The following SESN1 variants were observed in gnomAD, a reference collection of about 807,000 sequenced individuals.
SESN1 encodes sestrin 1.
A neutral mutation model predicts 59.3 loss-of-function variants in SESN1; 30 were observed. The observed-to-expected ratio is 0.51, with a 90% CI of 0.38 to 0.69. SESN1 has a LOEUF of 0.69. Among genes scored for constraint, SESN1 ranks in the 30% least tolerant of loss-of-function variants. The probability of loss-of-function intolerance (pLI) is 0.00; values close to 1 mark genes in which losing one functional copy is unlikely to be tolerated. For missense variants in SESN1, 566 were observed against 673.0 expected (o/e 0.84, Z 1.76); for synonymous variants, 197 against 219.9 (o/e 0.90, Z 0.92).
At chr6:109,046,934 C>T (rs1278586648) in intron 1 of SESN1, among the ~76,000 whole-genome samples, 1 of 120,660 alleles carries the variant, frequency 8.3e-6, no homozygotes, top group African/African-American at 3.0e-5. Flanking sequence ...CGGCAGCCAC[C>T]CCATCTGGGA....
rs138029398 is a variant in SESN1 at position 108,992,259 on chromosome 6, T to C, written c.1233+528A>G. On this transcript the variant is annotated intron_variant, in intron 7 of 9. Transcript: ENST00000436639. ...GACCACAGGTACATGCCACCACACC[T>C]GGCTAATTTTATTTTATTTTTTATT... Among the ~76,000 whole-genome samples, 739 of 152,198 alleles carry C rather than the reference T, an allele frequency of 4.9e-3. 3 individuals are homozygous for C. Among genetic ancestry groups the C allele is most frequent in the Middle Eastern group, 0.014 (4 of 292 alleles).
At chr6:109,074,299 T>C (rs1015350427) in intron 1 of SESN1, among the ~76,000 whole-genome samples, 1 of 144,374 alleles carries the variant, frequency 6.9e-6, no homozygotes, top group Non-Finnish European at 1.5e-5. Flanking sequence ...TGTGTATATA[T>C]GTATATACCT....
At chr6:109,028,873 G>A (rs1780138615) in intron 1 of SESN1, among the ~76,000 whole-genome samples, 1 of 152,078 alleles carries the variant, frequency 6.6e-6, no homozygotes, top group African/African-American at 2.4e-5. Context: ...TGCAGCTGAA[G>A]AAATGAAAAA....
intron 4 of SESN1, 126 bp downstream of exon 4, chr6:109,000,365 G>A (rs1779589191): frequency 1.6e-6 from 1 of 619,556 alleles, no homozygotes; most frequent in African/African-American, 1.9e-5. Flanking sequence ...ATGTGCATCT[G>A]TGGGAAGAGA....
intron 5 of SESN1, 91 bp downstream of exon 5, chr6:108,998,422 G>A (rs1779543470): frequency 3.4e-6 from 5 of 1,483,884 alleles, no homozygotes; most frequent in Non-Finnish European, 4.6e-6. Flanking sequence ...TCTTAACAGG[G>A]TGGGTTTTTC....
At chr6:109,021,789 CA>C (rs1436578858) in intron 1 of SESN1, among the ~76,000 whole-genome samples, 1 of 151,798 alleles carries the variant, frequency 6.6e-6, no homozygotes, top group African/African-American at 2.4e-5. Context: ...TATGTTGAAT[CA>C]GAAAAAAAGG....
At chr6:109,067,995 A>G (rs765541738) in intron 1 of SESN1, among the ~76,000 whole-genome samples, 3 of 152,186 alleles carry the variant, frequency 2.0e-5, no homozygotes, top group Non-Finnish European at 4.4e-5. Context: ...AGAAGTGGGT[A>G]TATTCCTCTA....
chr6:109,049,836 A>G (rs1433551349), intron 1 of SESN1, among the ~76,000 whole-genome samples: 3 of 151,996 alleles, frequency 2.0e-5, no homozygotes, highest in African/African-American at 4.8e-5. Flanking sequence ...TCTTTAAAAA[A>G]TTCTCAAGAA....
intron 1 of SESN1, among the ~76,000 whole-genome samples, chr6:109,023,968 A>C (rs572429983): frequency 2.9e-4 from 44 of 152,290 alleles, no homozygotes; most frequent in Non-Finnish European, 4.0e-4. Context: ...AATGAAATTC[A>C]ATGATCACAC....
At chr6:109,062,254 T>C (rs1157109178) in intron 1 of SESN1, among the ~76,000 whole-genome samples, 3 of 152,162 alleles carry the variant, frequency 2.0e-5, no homozygotes, top group African/African-American at 4.8e-5. Context: ...GGGAGTTTAT[T>C]AGGTGAATAA....
intron 1 of SESN1, among the ~76,000 whole-genome samples, chr6:109,028,925 C>T (rs76430494): frequency 6.6e-5 from 10 of 152,108 alleles, no homozygotes; most frequent in East Asian, 1.9e-4. Flanking sequence ...GACATGAGAG[C>T]GGGTATCTCT....
At chr6:109,076,008 A>C (rs546943519) in intron 1 of SESN1, among the ~76,000 whole-genome samples, 1 of 152,104 alleles carries the variant, frequency 6.6e-6, no homozygotes. Context: ...TTCACTGCAT[A>C]GTCTCTCTCT....
At chr6:108,988,511 T>A in intron 9 of SESN1, 32 bp downstream of exon 9, 1 of 1,572,294 alleles carries the variant, frequency 6.4e-7, no homozygotes, top group Non-Finnish European at 8.6e-7. Flanking sequence ...ATTGCTAAGT[T>A]ACAAAGTAAA....
chr6:109,002,273 C>A lies in SESN1; in HGVS notation c.345+5G>T. The A allele has an allele frequency of 6.2e-7, 1 of 1,612,310 alleles. No individual in the cohort carries two copies. Among genetic ancestry groups the A allele is most frequent in the Non-Finnish European group, 8.5e-7 (1 of 1,178,452 alleles). The stretch of plus-strand genomic sequence containing the variant: ...GTTCACTATGTACTTTCACAAACAA[C>A]GTACCTCCTTTTCTGGGATGAATCT... On this transcript the variant is annotated splice_donor_5th_base_variant and intron_variant, in intron 2 of 9. Transcript: ENST00000436639.
At chr6:109,007,911 T>C (rs1439020518) in intron 1 of SESN1, among the ~76,000 whole-genome samples, 1 of 151,986 alleles carries the variant, frequency 6.6e-6, no homozygotes, top group East Asian at 1.9e-4. Context: ...AGGAGTTCCG[T>C]TTCTTGAAAG....
intron 1 of SESN1, among the ~76,000 whole-genome samples, chr6:109,047,546 G>A (rs1314349192): frequency 7.3e-6 from 1 of 136,928 alleles, no homozygotes; most frequent in African/African-American, 2.6e-5. Flanking sequence ...CGCCCCTACT[G>A]GGAAGTGAGG....
intron 1 of SESN1, among the ~76,000 whole-genome samples, chr6:109,016,928 AT>A (rs1332309136): frequency 1.3e-5 from 2 of 152,150 alleles, no homozygotes; most frequent in Non-Finnish European, 2.9e-5. Flanking sequence ...GATGATATAA[AT>A]TGGAGAGGGT....
intron 4 of SESN1, 124 bp from the exon 5 acceptor site, chr6:108,998,879 A>G (rs1284839105): frequency 2.5e-6 from 3 of 1,186,560 alleles, no homozygotes; most frequent in East Asian, 5.1e-5. Flanking sequence ...TAAAATTATC[A>G]TTTGAAACAT....
At chr6:109,090,192 C>T (rs1359172260) in intron 1 of SESN1, among the ~76,000 whole-genome samples, 2 of 152,152 alleles carry the variant, frequency 1.3e-5, no homozygotes, top group African/African-American at 4.8e-5. Context: ...AAGCATAATG[C>T]TCATTTTGCA....
Sources: allele counts gnomAD v4.1 joint callset (sites outside exome capture counted in the v4.1 genomes callset), GRCh38; gene constraint gnomAD v4.1.1; transcripts MANE v1.5; gene names NCBI Gene and HGNC (gene_info 2026-07-23, HGNC 2026-07-21).